The following ARHGAP35 variants were observed in gnomAD, a reference collection of about 807,000 sequenced individuals.
ARHGAP35 encodes the protein rho GTPase-activating protein 35.
ARHGAP35 carries 15 observed loss-of-function variants against 111.1 expected under a neutral mutation model. That is an observed-to-expected ratio of 0.13 (90% confidence interval 0.09 to 0.21). ARHGAP35 has a LOEUF of 0.21. ARHGAP35 is among the 10% of genes least tolerant of loss of function. ARHGAP35 has a pLI of 1.00. For missense variants in ARHGAP35, 1,262 were observed against 1,873.0 expected (o/e 0.67, Z 6.02); for synonymous variants, 643 against 710.3 (o/e 0.91, Z 1.51).
chr19:46,904,509 A>C (rs111715024), intron 1 of ARHGAP35, among the ~76,000 whole-genome samples: 4 of 152,222 alleles, frequency 2.6e-5, no homozygotes, highest in Non-Finnish European at 5.9e-5. Context: ...GGCAGAAAGC[A>C]TCTGGCTCCC....
chr19:46,960,020 G>A (rs1403862361), intron 3 of ARHGAP35, among the ~76,000 whole-genome samples: 1 of 150,028 alleles, frequency 6.7e-6, no homozygotes, highest in Non-Finnish European at 1.5e-5. Context: ...TAAGGTGGGA[G>A]GATTGCTTGA....
At chr19:46,871,696 G>C (rs2055888385) in intron 1 of ARHGAP35, among the ~76,000 whole-genome samples, 1 of 151,804 alleles carries the variant, frequency 6.6e-6, no homozygotes, top group Non-Finnish European at 1.5e-5. Context: ...AATCTATAGA[G>C]GGCTGGGTGC....
chr19:46,907,055 G>A lies in ARHGAP35; in HGVS notation c.-188-11433G>A, dbSNP rs192923805. On this transcript the variant is annotated intron_variant, in intron 1 of 6. Transcript: ENST00000672722. ...CAGTGAGTTGTGATTATATCATACT[G>A]GGCTCCAACCTGGGTGATAGAGTGA... is the stretch of plus-strand genomic sequence containing the variant. 1.7e-3 allele frequency among the ~76,000 whole-genome samples: 252 copies of A among 152,140 alleles called. 1 individual carries two copies. The highest frequency in any genetic ancestry group is 5.9e-3 in the African/African-American group (243 of 41,526).
In ARHGAP35 at chr19:46,921,814, G is replaced by A. The variant is rs1348172322; in HGVS notation, c.3139G>A (p.Val1047Ile). 2 of 1,613,934 alleles carry A rather than the reference G, an allele frequency of 1.2e-6. No individual in the cohort carries two copies. Among genetic ancestry groups the A allele is most frequent in the South Asian group, 1.1e-5 (1 of 91,072 alleles). ...TCCGCCAGTCAAACCAAAGCCTCCT[G>A]TCCATTTTGAAATTACAAAGGGGGA... The part of the protein sequence containing the change: ...VPPPVKPKPP[V>I]HFEITKGDLS... The change falls in exon 2 of 7, where the codon GTC (valine) becomes ATC (isoleucine). Residue 1047 changes from valine (V) to isoleucine (I), a missense_variant. Val to Ile is a conservative substitution (Grantham distance 29). Coordinates refer to ENST00000672722, the MANE Select transcript of ARHGAP35 (RefSeq NM_004491.5). The surrounding 1 kb of genome is among the most constrained non-coding windows in gnomAD (Gnocchi z 4.3).
At chr19:46,941,934 A>G (rs900229783) in intron 3 of ARHGAP35, among the ~76,000 whole-genome samples, 1 of 151,096 alleles carries the variant, frequency 6.6e-6, no homozygotes, top group Non-Finnish European at 1.5e-5. Flanking sequence ...AATCTGGAAC[A>G]CCTTAATTCC....
intron 3 of ARHGAP35, among the ~76,000 whole-genome samples, chr19:46,950,186 C>G (rs1465528166): frequency 6.6e-6 from 1 of 152,202 alleles, no homozygotes; most frequent in African/African-American, 2.4e-5. Context: ...GCTTCTTTCA[C>G]TTAACATTAT....
At chr19:46,869,667 A>G (rs994425791) in intron 1 of ARHGAP35, among the ~76,000 whole-genome samples, 1 of 152,194 alleles carries the variant, frequency 6.6e-6, no homozygotes, top group African/African-American at 2.4e-5. Context: ...TGGGCAATTA[A>G]AAAGAGTTCT....
intron 1 of ARHGAP35, among the ~76,000 whole-genome samples, chr19:46,872,976 TC>T (rs779271941): frequency 3.2e-4 from 49 of 152,106 alleles, no homozygotes; most frequent in Admixed American, 2.4e-3. Context: ...TATCTCATTT[TC>T]TCCTCACAAT....
rs2056658496 is a variant in ARHGAP35, at chr19:46,987,656, A to G, written c.3827-333A>G. ...TGTAAGTGAAAGTAATTGGGTTAAA[A>G]TATATACTACCTCTGTTTTTTAAAT... is the stretch of plus-strand genomic sequence containing the variant. On this transcript the variant is annotated intron_variant, in intron 3 of 6. Transcript: ENST00000672722. Among the ~76,000 whole-genome samples the G allele has an allele frequency of 2.0e-5, 3 of 152,378 alleles. No homozygotes were observed. In the South Asian group the frequency reaches 6.2e-4, roughly 32 times the overall value.
chr19:46,862,320 C>A (rs986245469), intron 1 of ARHGAP35, among the ~76,000 whole-genome samples: 1 of 152,148 alleles, frequency 6.6e-6, no homozygotes, highest in Non-Finnish European at 1.5e-5. Context: ...TTCCTCTCTT[C>A]CCCACCTCCT....
chr19:46,895,693 T>C (rs568679864), intron 1 of ARHGAP35, among the ~76,000 whole-genome samples: 3 of 152,320 alleles, frequency 2.0e-5, no homozygotes, highest in Non-Finnish European at 2.9e-5. Context: ...AGTAATCCTA[T>C]TGAGGAGAGA....
At chr19:46,892,595 G>A (rs772252097) in intron 1 of ARHGAP35, among the ~76,000 whole-genome samples, 1 of 150,848 alleles carries the variant, frequency 6.6e-6, no homozygotes, top group Non-Finnish European at 1.5e-5. Flanking sequence ...TCTAAAGTAC[G>A]AAGTATGTAA....
At chr19:46,894,945 TATC>T (rs900873934) in intron 1 of ARHGAP35, among the ~76,000 whole-genome samples, 7 of 152,322 alleles carry the variant, frequency 4.6e-5, no homozygotes, top group African/African-American at 1.2e-4. Flanking sequence ...GTATTTAACT[TATC>T]ATCATCCTTA....
intron 3 of ARHGAP35, among the ~76,000 whole-genome samples, chr19:46,982,184 C>G (rs987314887): frequency 3.4e-5 from 5 of 149,036 alleles, no homozygotes; most frequent in Non-Finnish European, 7.4e-5. Flanking sequence ...AGACTGAAAA[C>G]TGTGTAAAGG....
chr19:46,906,450 G>C (rs2056108304), intron 1 of ARHGAP35, among the ~76,000 whole-genome samples: 1 of 152,218 alleles, frequency 6.6e-6, no homozygotes, highest in Non-Finnish European at 1.5e-5. Flanking sequence ...CTTCTCTCTT[G>C]CTATGCAGCC....
chr19:46,921,586 C>A lies in ARHGAP35; in HGVS notation c.2911C>A (p.Pro971Thr), dbSNP rs1470775534. 1 of 1,613,856 alleles carries A rather than the reference C, an allele frequency of 6.2e-7. No individual in the cohort carries two copies. Among genetic ancestry groups the A allele is most frequent in the African/African-American group, 1.3e-5 (1 of 74,902 alleles). ...CACCACCGAAGAGGTGTTTAACTCC[C>A]CCCGGGCAGGATCACCGCTCTGCAA... is the stretch of plus-strand genomic sequence containing the variant. ...CSTTEEVFNS[P>T]RAGSPLCNSN... is the part of the protein sequence containing the mutation. The change falls in exon 2 of 7, where the codon CCC becomes ACC. Residue 971 changes from proline (P) to threonine (T), a missense_variant. Physicochemically the swap from Pro to Thr is conservative, Grantham distance 38. This residue lies in a region of ARHGAP35 where 579 missense variants were observed against 716.9 expected (regional missense o/e 0.81). Transcript: ENST00000672722. This position sits in a 1 kb window ranked among gnomAD's most constrained non-coding sequence, Gnocchi z 4.3.
chr19:46,947,804 TC>T (rs1039732521), intron 3 of ARHGAP35: 2 of 152,250 alleles, frequency 1.3e-5, no homozygotes, highest in African/African-American at 4.8e-5. Flanking sequence ...AAGCTGGGGT[TC>T]CCATGACCCC....
chr19:46,875,681 C>T (rs774163049), intron 1 of ARHGAP35, among the ~76,000 whole-genome samples: 2 of 151,998 alleles, frequency 1.3e-5, no homozygotes, highest in Non-Finnish European at 2.9e-5. Flanking sequence ...AATACCATAA[C>T]GCTAAAGTTG....
At position 46,986,273 on chromosome 19, in the gene ARHGAP35, T is replaced by G. The variant is rs949679338; in HGVS notation, c.3827-1716T>G. ...ACTCAGTAGACAGCTTGGAATCCAC[T>G]CTAAGCTGAACAGTGCTCCTCTGCC... On this transcript the variant is annotated intron_variant, in intron 3 of 6. Coordinates refer to ENST00000672722, the MANE Select transcript of ARHGAP35 (RefSeq NM_004491.5). The surrounding 1 kb of genome is among the most constrained non-coding windows in gnomAD (Gnocchi z 4.3). Among the ~76,000 whole-genome samples, 3 of 152,144 alleles carry G rather than the reference T, an allele frequency of 2.0e-5. No individual in the cohort carries two copies. The highest frequency in any genetic ancestry group is 4.4e-5 in the Non-Finnish European group (3 of 68,036).
Sources: gnomAD v4.1 joint callset for allele counts (sites outside exome capture counted in the v4.1 genomes callset) on GRCh38, gnomAD v4.1.1 for gene constraint, gnomAD v4.1.1 regional missense constraint, Gnocchi (gnomAD v3.1) non-coding constraint, MANE v1.5 for transcripts, NCBI Gene and HGNC (gene_info 2026-07-23, HGNC 2026-07-21) for gene names.